ZMYM4: variants seen among roughly 807,000 people sequenced by gnomAD.
ZMYM4 encodes the protein zinc finger MYM-type containing 4, also known as zinc finger MYM-type protein 4.
In ZMYM4, 31 loss-of-function variants were observed where a neutral mutation model predicts 183.2. That is an observed-to-expected ratio of 0.17 (90% CI 0.13 to 0.23). The LOEUF is 0.23. ZMYM4 is among the 10% of genes least tolerant of loss of function. The pLI, the probability that ZMYM4 is intolerant of heterozygous loss-of-function variation, is 1.00. For synonymous variants in ZMYM4, 592 were observed against 631.2 expected, an observed-to-expected ratio of 0.94 and a Z score of 0.93; for missense variants, 1,273 against 1,840.3, an observed-to-expected ratio of 0.69 and a Z score of 5.64.
At position 35,396,683 on chromosome 1, in the gene ZMYM4, T is replaced by C; in HGVS notation, c.3030+13T>C. 2.5e-6 allele frequency: 4 copies of C among 1,612,346 alleles called. No homozygotes were observed. In the South Asian group the frequency reaches 4.4e-5, roughly 18 times the overall value. ...AATTCCAGTTCCAGTGAGTAATCAT[T>C]TAGAGATTAAAGCTAATATAGCATG... On this transcript the variant is annotated intron_variant, in intron 19 of 29. Coordinates refer to ENST00000314607, the MANE Select transcript of ZMYM4 (RefSeq NM_005095.3).
At chr1:35,373,084 G>A (rs1168431233) in intron 7 of ZMYM4, among the ~76,000 whole-genome samples, 1 of 152,026 alleles carries the variant, frequency 6.6e-6, no homozygotes, top group Non-Finnish European at 1.5e-5. Context: ...ACTTGACCCT[G>A]GGAGGTAGAG....
intron 1 of ZMYM4, among the ~76,000 whole-genome samples, chr1:35,307,813 C>A (rs375582093): frequency 6.6e-6 from 1 of 151,312 alleles, no homozygotes; most frequent in African/African-American, 2.4e-5. Flanking sequence ...GGATTACAGG[C>A]GTGAGCCACC....
chr1:35,404,744 C>T (rs1250758183), intron 23 of ZMYM4: 5 of 230,420 alleles, frequency 2.2e-5, no homozygotes, highest in Non-Finnish European at 4.2e-5. Context: ...ATTCATACCT[C>T]ATCAGGTGAG....
In ZMYM4 at chr1:35,399,545, A is replaced by T; in HGVS notation, c.3497A>T (p.His1166Leu). 1 of 1,614,196 alleles carries T rather than the reference A, an allele frequency of 6.2e-7. No homozygotes were observed. The highest frequency in any genetic ancestry group is 8.5e-7 in the Non-Finnish European group (1 of 1,180,032). ...IQARSRTRRRHRDGFPQPRRR... is the reference protein window; with the variant it reads ...IQARSRTRRRLRDGFPQPRRR... Reference sequence around the variant, plus strand: ...GCACGTTCCCGAACAAGACGACGACACAGAGATGGCTTCCCCCAACCCAGA... The same window carrying T: ...GCACGTTCCCGAACAAGACGACGACTCAGAGATGGCTTCCCCCAACCCAGA... The change falls in exon 23 of 30, where the codon CAC becomes CTC. Residue 1166 changes from histidine (H) to leucine (L), a missense_variant. Coordinates refer to ENST00000314607, the MANE Select transcript of ZMYM4 (RefSeq NM_005095.3).
At chr1:35,341,588 T>C (rs983948729) in intron 2 of ZMYM4, among the ~76,000 whole-genome samples, 2 of 151,932 alleles carry the variant, frequency 1.3e-5, no homozygotes, top group Non-Finnish European at 2.9e-5. Flanking sequence ...TTAATTCCCT[T>C]ATTAAATCTA....
intron 2 of ZMYM4, among the ~76,000 whole-genome samples, chr1:35,338,097 A>AG (rs1305266705): frequency 6.6e-6 from 1 of 152,124 alleles, no homozygotes; most frequent in Non-Finnish European, 1.5e-5. Context: ...ACATGTGAAA[A>AG]TCATTCTTAG....
chr1:35,310,016 G>A (rs1180455362), intron 1 of ZMYM4, among the ~76,000 whole-genome samples: 5 of 147,946 alleles, frequency 3.4e-5, no homozygotes, highest in East Asian at 2.1e-4. Context: ...TGCTACCTCC[G>A]CCTCCCAGGT....
chr1:35,399,590 T>C lies in ZMYM4; in HGVS notation c.3528+14T>C. On this transcript the variant is annotated intron_variant, in intron 23 of 29. Transcript: ENST00000314607. The stretch of plus-strand genomic sequence containing the variant: ...CCCAGACGAAGAGTAAGCTGCAGCT[T>C]AACTTTTCTAGACTTTTCTTTCCTT... 6.2e-7 allele frequency: 1 copy of C among 1,613,706 alleles called. No individual in the cohort carries two copies. Among genetic ancestry groups the C allele is most frequent in the Non-Finnish European group, 8.5e-7 (1 of 1,179,704 alleles).
chr1:35,348,923 A>C (rs1643494840), intron 2 of ZMYM4, among the ~76,000 whole-genome samples: 1 of 152,224 alleles, frequency 6.6e-6, no homozygotes, highest in Non-Finnish European at 1.5e-5. Context: ...AAGTGTCTTT[A>C]CTTTCTCCCT....
chr1:35,296,752 T>G (rs1360962652), intron 1 of ZMYM4, among the ~76,000 whole-genome samples: 3 of 152,188 alleles, frequency 2.0e-5, no homozygotes, highest in African/African-American at 7.2e-5. Flanking sequence ...GTCAGTTTCA[T>G]TCTGATCCAA....
intron 3 of ZMYM4, 113 bp from the exon 4 acceptor site, chr1:35,361,081 C>A: frequency 1.1e-6 from 1 of 889,840 alleles, no homozygotes; most frequent in Non-Finnish European, 1.6e-6. Context: ...CTCTAACGAG[C>A]ATCTTTGTTG....
chr1:35,389,779 ATATGTGTG>A lies in ZMYM4; in HGVS notation c.2437-167_2437-160del, dbSNP rs1167327491. Reference sequence around the variant, plus strand: ...CAAAAAAAAAAAAAAATATATATATATATGTGTGTGTGTGTGTGTGTGTGTGTGTATAA... The same window carrying A: ...CAAAAAAAAAAAAAAATATATATATATGTGTGTGTGTGTGTGTGTGTATAA... On this transcript the variant is annotated intron_variant, in intron 14 of 29. Transcript: ENST00000314607. The surrounding 1 kb of genome is among the most constrained non-coding windows in gnomAD (Gnocchi z 4.0). Among the ~76,000 whole-genome samples, 5 of 114,298 alleles carry A rather than the reference ATATGTGTG, an allele frequency of 4.4e-5. No homozygotes were observed. Among genetic ancestry groups the A allele is most frequent in the Non-Finnish European group, 6.1e-5 (4 of 65,914 alleles). The allele number at this position is 114,298 out of a possible 152,430, so 75.0% of individuals were successfully genotyped here. A position where few individuals can be genotyped will look rare whatever the true frequency, so the allele number is the denominator to read the frequency against.
At chr1:35,412,388 G>C (rs1177831849) in intron 26 of ZMYM4, among the ~76,000 whole-genome samples, 1 of 152,146 alleles carries the variant, frequency 6.6e-6, no homozygotes, top group South Asian at 2.1e-4. Flanking sequence ...ATTTGAATGC[G>C]TTATATTTAT....
chr1:35,370,363 TTTTTA>T lies in ZMYM4; in HGVS notation c.926-8_926-4del. The T allele has an allele frequency of 7.2e-7, 1 of 1,394,662 alleles. No individual in the cohort carries two copies. The highest frequency in any genetic ancestry group is 9.3e-7 in the Non-Finnish European group (1 of 1,075,730). The allele number at this position is 1,394,662 out of a possible 1,614,324, so 86.4% of individuals were successfully genotyped here. ...ATTTTTTTTTTTTTTTTTTTTTTTTTTTTTAAAGCTCCACAGTTGACTACTGGCTT... is the reference window on the plus strand; with the variant it reads ...ATTTTTTTTTTTTTTTTTTTTTTTTTAAGCTCCACAGTTGACTACTGGCTT... On this transcript the variant is annotated splice_region_variant and splice_polypyrimidine_tract_variant and intron_variant, in intron 6 of 29. Transcript: ENST00000314607.
intron 4 of ZMYM4, 135 bp downstream of exon 4, chr1:35,361,390 T>C: frequency 1.0e-6 from 1 of 989,404 alleles, no homozygotes; most frequent in Non-Finnish European, 1.4e-6. Flanking sequence ...AATATTTGTT[T>C]AAGGTCATCA....
chr1:35,279,621 A>G (rs1167744957), intron 1 of ZMYM4, among the ~76,000 whole-genome samples: 2 of 152,112 alleles, frequency 1.3e-5, no homozygotes, highest in Non-Finnish European at 2.9e-5. Context: ...TCTTCAATTT[A>G]TCTCTTTCTT....
chr1:35,348,865 T>C (rs1455463110), intron 2 of ZMYM4, among the ~76,000 whole-genome samples: 3 of 152,260 alleles, frequency 2.0e-5, no homozygotes, highest in African/African-American at 7.2e-5. Context: ...CTGTGAAAAT[T>C]TGAGTGCTTT....
intron 1 of ZMYM4, among the ~76,000 whole-genome samples, chr1:35,275,394 AC>A (rs916557357): frequency 7.9e-5 from 12 of 152,072 alleles, no homozygotes; most frequent in African/African-American, 2.7e-4. Context: ...GGCGTGCACC[AC>A]AATGCCCAGC....
intron 2 of ZMYM4, among the ~76,000 whole-genome samples, chr1:35,345,450 G>A (rs1014326717): frequency 1.9e-4 from 29 of 150,886 alleles, no homozygotes; most frequent in African/African-American, 5.6e-4. Context: ...ACCACTCCCC[G>A]TATTACTTTT....
Sources: allele counts gnomAD v4.1 joint callset (sites outside exome capture counted in the v4.1 genomes callset), GRCh38; gene constraint gnomAD v4.1.1; non-coding constraint Gnocchi (gnomAD v3.1); transcripts MANE v1.5; gene names NCBI Gene and HGNC (gene_info 2026-07-23, HGNC 2026-07-21).